The following MGAM variants were observed in gnomAD, a reference collection of about 807,000 sequenced individuals.
MGAM encodes the protein alpha-1,4-glucosidase.
A neutral mutation model predicts 358.8 loss-of-function variants in MGAM; 253 were observed. That is an observed-to-expected ratio of 0.71 (90% CI 0.64 to 0.78). MGAM has a LOEUF of 0.78. MGAM is among the 30% of genes least tolerant of loss of function. MGAM has a pLI of 0.00. For missense variants in MGAM, 3,080 were observed against 3,432.6 expected, an observed-to-expected ratio of 0.90 and a Z score of 2.57; for synonymous variants, 1,105 against 1,227.1, an observed-to-expected ratio of 0.90 and a Z score of 2.08.
chr7:142,102,897 C>G (rs1483004040), intron 69 of MGAM, among the ~76,000 whole-genome samples: 1 of 152,190 alleles, frequency 6.6e-6, no homozygotes, highest in East Asian at 1.9e-4. Flanking sequence ...GATCATTATT[C>G]TAGTTTACCA....
chr7:142,083,544 A>ACATTCTATACCATTCTAATCTAATT (rs1448090031), intron 53 of MGAM, 131 bp downstream of exon 53: 1 of 718,098 alleles, frequency 1.4e-6, no homozygotes, highest in East Asian at 2.8e-5. Context: ...ATTATAGAAT[A>ACATTCTATACCATTCTAATCTAATT]AGGAAAAATA....
chr7:142,105,259 G>A (rs570841763), intron 70 of MGAM, among the ~76,000 whole-genome samples: 7 of 152,020 alleles, frequency 4.6e-5, no homozygotes, highest in African/African-American at 1.7e-4. Flanking sequence ...TCCAGTTTGT[G>A]CAGTTGTTTC....
At chr7:142,027,371 G>A in intron 9 of MGAM, 144 bp downstream of exon 9, 1 of 789,792 alleles carries the variant, frequency 1.3e-6, no homozygotes, top group Non-Finnish European at 2.0e-6. Context: ...TATATGCAAT[G>A]GAAACTTGCT....
chr7:142,082,204 C>T lies in MGAM; in HGVS notation c.6165C>T (p.Pro2055=), dbSNP rs568222185. 6.4e-7 allele frequency: 1 copy of T among 1,554,256 alleles called. No homozygotes were observed. The highest frequency in any genetic ancestry group is 8.8e-7 in the Non-Finnish European group (1 of 1,132,212). Residue 2055 remains proline, a synonymous_variant, in exon 51 of 71, where the codon CCC becomes CCT. Coordinates refer to ENST00000475668, the MANE Select transcript of MGAM (RefSeq NM_001365693.1). ...HTWGMFSRDQ[P]PGYKKNSYGV... The stretch of plus-strand genomic sequence containing the variant: ...GGGGGATGTTCTCCCGAGACCAGCC[C>T]CCAGGGGTAAGGACAGAGCATTTGA...
chr7:142,019,344 A>AGGAGGT, intron 4 of MGAM, 25 bp downstream of exon 4: 10 of 1,608,328 alleles, frequency 6.2e-6, no homozygotes, highest in Non-Finnish European at 7.6e-6. Context: ...GCCATGATGC[A>AGGAGGT]GGAGGTCCAG....
Position 142,052,520 on chromosome 7 carries a change from G to A in MGAM, c.2958+74G>A, listed in dbSNP as rs1373936422. 2.6e-6 allele frequency: 4 copies of A among 1,561,256 alleles called. No individual in the cohort carries two copies. The African/African-American group carries it at 4.1e-5, about 16-fold the overall frequency. On this transcript the variant is annotated intron_variant, in intron 25 of 70. Transcript: ENST00000475668. ...CTGTAGTTTCTTAAGCATAGCAGTGGTACTTACATAACTACTTAAAATCCA... is the reference window on the plus strand; with the variant it reads ...CTGTAGTTTCTTAAGCATAGCAGTGATACTTACATAACTACTTAAAATCCA...
intron 70 of MGAM, among the ~76,000 whole-genome samples, chr7:142,104,583 T>A (rs1816695796): frequency 6.6e-6 from 1 of 152,210 alleles, no homozygotes; most frequent in African/African-American, 2.4e-5. Context: ...TCCTAGTGCT[T>A]TCTTGATCTT....
At chr7:142,096,277 T>C (rs1815894988) in intron 64 of MGAM, 54 bp from the exon 65 acceptor site, 4 of 1,433,800 alleles carry the variant, frequency 2.8e-6, no homozygotes, top group Non-Finnish European at 3.9e-6. Context: ...TTCTTCAGAG[T>C]GTCGGGCTGG....
intron 20 of MGAM, 168 bp downstream of exon 20, chr7:142,040,339 A>G: frequency 1.6e-6 from 1 of 622,498 alleles, no homozygotes; most frequent in South Asian, 2.1e-5. Context: ...AACCGTTAAC[A>G]TCAGTCATGA....
At chr7:142,053,803 T>C (rs1207483083) in intron 26 of MGAM, among the ~76,000 whole-genome samples, 1 of 152,192 alleles carries the variant, frequency 6.6e-6, no homozygotes, top group Non-Finnish European at 1.5e-5. Flanking sequence ...TGAGTTCTTG[T>C]TCATCCTCTA....
At chr7:142,041,300 C>G (rs1199383008) in intron 21 of MGAM, among the ~76,000 whole-genome samples, 1 of 152,004 alleles carries the variant, frequency 6.6e-6, no homozygotes, top group Non-Finnish European at 1.5e-5. Flanking sequence ...ATCTTCATGG[C>G]TTTGAGAGTA....
chr7:142,087,369 A>G (rs541636243), intron 57 of MGAM, among the ~76,000 whole-genome samples: 1 of 145,950 alleles, frequency 6.9e-6, no homozygotes, highest in Admixed American at 6.9e-5. Flanking sequence ...CAGATTCACT[A>G]AGCGTTTCTT....
chr7:142,034,424 A>AAT (rs1263596006), intron 15 of MGAM, 45 bp downstream of exon 15: 3 of 1,302,808 alleles, frequency 2.3e-6, no homozygotes, highest in Non-Finnish European at 3.2e-6. Context: ...GAATATAAAG[A>AAT]ATATATATAT....
chr7:142,042,590 C>T (rs1215523933), intron 21 of MGAM, among the ~76,000 whole-genome samples: 1 of 2,164 alleles, frequency 4.6e-4, no homozygotes. Context: ...ATTATATATA[C>T]ATATTATATA....
Position 142,054,909 on chromosome 7 carries a change from G to T in MGAM, c.3314+1G>T. 1 of 1,613,596 alleles carries T rather than the reference G, an allele frequency of 6.2e-7. No individual in the cohort carries two copies. Among genetic ancestry groups the T allele is most frequent in the Non-Finnish European group, 8.5e-7 (1 of 1,179,680 alleles). The stretch of plus-strand genomic sequence containing the variant: ...GCCGGAAGAGTACAGGCACTATAAT[G>T]TGAGTGGCTTCTAGTGTGACTCAGA... On this transcript the variant is annotated splice_donor_variant, in intron 27 of 70. Transcript: ENST00000475668. LOFTEE classifies it high-confidence loss of function.
In MGAM at chr7:142,025,169, A is replaced by G. The variant is rs781818079; in HGVS notation, c.982+20A>G. ...CCATGGGTAAAGGAATATTCATGGA[A>G]AAAACAAGCACAAGAGTGATTTTCA... On this transcript the variant is annotated intron_variant, in intron 8 of 70. Transcript: ENST00000475668. 8 of 1,543,016 alleles carry G rather than the reference A, an allele frequency of 5.2e-6. No individual in the cohort carries two copies. Among genetic ancestry groups the G allele is most frequent in the Non-Finnish European group, 7.2e-6 (8 of 1,115,738 alleles).
chr7:142,061,145 G>A (rs150844198), intron 34 of MGAM, among the ~76,000 whole-genome samples: 93 of 152,264 alleles, frequency 6.1e-4, no homozygotes, highest in Non-Finnish European at 6.6e-4. Flanking sequence ...CTTGGAGAAC[G>A]GCAGAACATT....
Position 142,054,829 on chromosome 7 carries a change from G to C in MGAM, c.3235G>C (p.Glu1079Gln), listed in dbSNP as rs145885349. 6.1e-4 allele frequency: 986 copies of C among 1,613,972 alleles called. 3 individuals carry two copies. In the African/African-American group the frequency reaches 0.012, roughly 20 times the overall value. ...ACCCAGCATGCCATCCAGCACCCCTGAGGGTCAACTCTATGATGTGCTCAT... is the reference window on the plus strand; with the variant it reads ...ACCCAGCATGCCATCCAGCACCCCTCAGGGTCAACTCTATGATGTGCTCAT... ...NIPSMPSSTP[E>Q]GQLYDVLIKK... Residue 1079 changes from glutamate (E) to glutamine (Q), a missense_variant, in exon 27 of 71, where the codon GAG (glutamate) becomes CAG (glutamine). Around this residue, in one of 5 missense-constraint regions of MGAM, gnomAD observed 1,816 missense variants for 1,840.5 expected, o/e 0.99. Coordinates refer to ENST00000475668, the MANE Select transcript of MGAM (RefSeq NM_001365693.1).
chr7:142,056,089 T>G lies in MGAM; in HGVS notation c.3573T>G (p.Asn1191Lys). Residue 1191 changes from asparagine to lysine, a missense_variant, in exon 29 of 71, where the codon AAT becomes AAG. Physicochemically the swap from Asn to Lys is moderately conservative, Grantham distance 94. Around this residue, in one of 5 missense-constraint regions of MGAM, gnomAD observed 1,816 missense variants for 1,840.5 expected, o/e 0.99. Coordinates refer to ENST00000475668, the MANE Select transcript of MGAM (RefSeq NM_001365693.1). ...SAHGVLLLNS[N>K]AMDVTFQPLP... ...ATGGAGTGCTCCTGCTGAACAGCAA[T>G]GCCATGGGTAAGGCCATCAGCACCT... 1 of 1,605,474 alleles carries G rather than the reference T, an allele frequency of 6.2e-7. No homozygotes were observed. The highest frequency in any genetic ancestry group is 8.5e-7 in the Non-Finnish European group (1 of 1,176,002).
Sources: gnomAD v4.1 joint callset for allele counts (sites outside exome capture counted in the v4.1 genomes callset) on GRCh38, gnomAD v4.1.1 for gene constraint, gnomAD v4.1.1 regional missense constraint, MANE v1.5 for transcripts, NCBI Gene and HGNC (gene_info 2026-07-23, HGNC 2026-07-21) for gene names.